The following EMC2 variants were observed in gnomAD, a reference collection of about 807,000 sequenced individuals.
EMC2 encodes ER membrane protein complex subunit 2.
Under a neutral mutation model 51.6 loss-of-function variants are expected in EMC2, and 37 were observed. That is an observed-to-expected ratio of 0.72 (90% CI 0.55 to 0.94). The LOEUF (loss-of-function observed/expected upper bound fraction) is 0.94. EMC2 is among the 40% of genes least tolerant of loss of function. EMC2 has a pLI of 0.00. For synonymous variants in EMC2, 131 were observed against 112.4 expected (o/e 1.17, Z -1.04); for missense variants, 359 against 350.9 (o/e 1.02, Z -0.18).
chr8:108,450,204 A>G (rs752779687), intron 2 of EMC2, among the ~76,000 whole-genome samples: 2 of 152,214 alleles, frequency 1.3e-5, no homozygotes, highest in Non-Finnish European at 2.9e-5. Flanking sequence ...CTCTTTTAGA[A>G]CAGTAAAACT....
chr8:108,450,856 T>C (rs1819000754), intron 3 of EMC2, among the ~76,000 whole-genome samples: 1 of 152,234 alleles, frequency 6.6e-6, no homozygotes, highest in Non-Finnish European at 1.5e-5. Context: ...CACAATATTA[T>C]AAACATATCT....
At position 108,486,586 on chromosome 8, in the gene EMC2, C is replaced by T. The variant is rs1471597256; in HGVS notation, c.882C>T (p.Ile294=). Reference sequence around the variant, plus strand: ...AAGACATGTTGGAAACATTGCAGATCACCCAGTCTTAAGGTTTCAAAAACT... The same window carrying T: ...AAGACATGTTGGAAACATTGCAGATTACCCAGTCTTAAGGTTTCAAAAACT... ...AVEDMLETLQ[I]TQS The change falls in exon 11 of 11, where the codon ATC becomes ATT. Residue 294 remains isoleucine, a synonymous_variant. Coordinates refer to ENST00000220853, the MANE Select transcript of EMC2 (RefSeq NM_014673.5). 5 of 1,597,796 alleles carry T rather than the reference C, an allele frequency of 3.1e-6. No individual in the cohort carries two copies. Among genetic ancestry groups the T allele is most frequent in the Non-Finnish European group, 4.3e-6 (5 of 1,172,060 alleles).
At position 108,489,054 on chromosome 8, in the gene EMC2, A is replaced by G. The variant is rs1166184121; in HGVS notation, c.*2456A>G. 6.6e-6 allele frequency among the ~76,000 whole-genome samples: 1 copy of G among 152,198 alleles called. No homozygotes were observed. The highest frequency in any genetic ancestry group is 2.1e-4 in the South Asian group (1 of 4,836). On this transcript the variant is annotated 3_prime_UTR_variant, in exon 11 of 11. Coordinates refer to ENST00000220853, the MANE Select transcript of EMC2 (RefSeq NM_014673.5). ...CAGCAAATGTGAGAATGAAAGTTAC[A>G]TTTCAGAGATAGAACTGAAGGAGGA... is the stretch of plus-strand genomic sequence containing the variant.
chr8:108,448,958 T>A (rs1223211864), intron 1 of EMC2, among the ~76,000 whole-genome samples: 1 of 152,206 alleles, frequency 6.6e-6, no homozygotes, highest in African/African-American at 2.4e-5. Context: ...AAACAAACTT[T>A]AAAGTTCTCT....
chr8:108,456,350 A>C (rs897094935), intron 5 of EMC2, among the ~76,000 whole-genome samples: 4 of 149,850 alleles, frequency 2.7e-5, no homozygotes, highest in East Asian at 1.9e-4. Flanking sequence ...AAAAAAAAGA[A>C]AAAAAAAAAA....
Position 108,449,950 on chromosome 8 carries a change from T to C in EMC2, c.154+14T>C. 10 of 1,266,450 alleles carry C rather than the reference T, an allele frequency of 7.9e-6. No homozygotes were observed. Among genetic ancestry groups the C allele is most frequent in the Non-Finnish European group, 1.0e-5 (9 of 872,742 alleles). The allele number at this position is 1,266,450 out of a possible 1,614,324, so 78.5% of individuals were successfully genotyped here. A position where few individuals can be genotyped will look rare whatever the true frequency, so the allele number is the denominator to read the frequency against. On this transcript the variant is annotated intron_variant, in intron 2 of 10. Transcript: ENST00000220853. ...TGGGAGATGATAGTAAGTTCTTTTA[T>C]TACATTCAGGCTCAGTACATGCCTC...
At chr8:108,473,916 T>C (rs1419123736) in intron 7 of EMC2, 1 of 152,078 alleles carries the variant, frequency 6.6e-6, no homozygotes, top group African/African-American at 2.4e-5. Context: ...TTAACTTCTC[T>C]ATGCACCTAG....
At chr8:108,470,267 A>G (rs1403183065) in intron 7 of EMC2, 146 bp downstream of exon 7, 1 of 608,292 alleles carries the variant, frequency 1.6e-6, no homozygotes, top group South Asian at 2.1e-5. Flanking sequence ...AATTAAATGA[A>G]AAAGAACAAA....
At chr8:108,445,044 C>T (rs912817150) in intron 1 of EMC2, among the ~76,000 whole-genome samples, 2 of 152,060 alleles carry the variant, frequency 1.3e-5, no homozygotes, top group Admixed American at 6.6e-5. Context: ...TTATAGGTTT[C>T]CTAGATGATA....
At chr8:108,486,462 T>G in intron 10 of EMC2, 50 bp from the exon 11 acceptor site, 1 of 1,484,672 alleles carries the variant, frequency 6.7e-7, no homozygotes. Context: ...ATTTTTAACC[T>G]GCCACTGAAA....
At chr8:108,466,442 A>ATTTTTTTT (rs869102478) in intron 5 of EMC2, among the ~76,000 whole-genome samples, 1 of 91,036 alleles carries the variant, frequency 1.1e-5, no homozygotes, top group African/African-American at 4.7e-5. Context: ...CTATGATAGA[A>ATTTTTTTT]TTTTTTTTTT....
At chr8:108,453,648 T>C (rs1819084350) in intron 4 of EMC2, among the ~76,000 whole-genome samples, 1 of 152,166 alleles carries the variant, frequency 6.6e-6, no homozygotes, top group Admixed American at 6.5e-5. Flanking sequence ...TAGGAACATT[T>C]AAATTATGAT....
At chr8:108,468,890 G>A (rs1810793840) in intron 5 of EMC2, among the ~76,000 whole-genome samples, 1 of 152,046 alleles carries the variant, frequency 6.6e-6, no homozygotes, top group Non-Finnish European at 1.5e-5. Context: ...CTAGGCCTTT[G>A]CTCATGTGTT....
chr8:108,475,874 GT>G lies in EMC2; in HGVS notation c.510-3del. 1.3e-6 allele frequency: 2 copies of G among 1,551,580 alleles called. No homozygotes were observed. Among genetic ancestry groups the G allele is most frequent in the South Asian group, 1.2e-5 (1 of 86,628 alleles). ...AAAAATTAATTTCTCCTCTTGATGT[GT>G]TTTTAGCTATGCAAAAGCAGCCTTT... On this transcript the variant is annotated splice_polypyrimidine_tract_variant and splice_region_variant and intron_variant, in intron 7 of 10. Transcript: ENST00000220853.
At chr8:108,474,183 G>C (rs1563700451) in intron 7 of EMC2, 1 of 151,910 alleles carries the variant, frequency 6.6e-6, no homozygotes, top group Non-Finnish European at 1.5e-5. Context: ...TACCCTAAGA[G>C]CTGCTACTAC....
chr8:108,455,351 A>G (rs1279412951), intron 4 of EMC2, among the ~76,000 whole-genome samples: 2 of 152,120 alleles, frequency 1.3e-5, no homozygotes, highest in African/African-American at 2.4e-5. Flanking sequence ...AGCCCATCAA[A>G]GGCATTCATC....
chr8:108,453,947 G>A (rs533022589), intron 4 of EMC2, among the ~76,000 whole-genome samples: 1 of 151,966 alleles, frequency 6.6e-6, no homozygotes, highest in Non-Finnish European at 1.5e-5. Context: ...TTGAGAATGA[G>A]CCCTTTATAT....
chr8:108,462,683 T>TA (rs1819358300), intron 5 of EMC2, among the ~76,000 whole-genome samples: 1 of 152,178 alleles, frequency 6.6e-6, no homozygotes, highest in South Asian at 2.1e-4. Flanking sequence ...TCTAATTAGT[T>TA]AAAAATGTTA....
chr8:108,448,592 TTTCC>T (rs1400466669), intron 1 of EMC2, among the ~76,000 whole-genome samples: 90 of 152,184 alleles, frequency 5.9e-4, no homozygotes, highest in Non-Finnish European at 2.4e-4. Flanking sequence ...GATATGACTT[TTTCC>T]TTCTTGTCTT....
Sources: allele counts gnomAD v4.1 joint callset (sites outside exome capture counted in the v4.1 genomes callset), GRCh38; gene constraint gnomAD v4.1.1; transcripts MANE v1.5; gene names NCBI Gene and HGNC (gene_info 2026-07-23, HGNC 2026-07-21).